Variants in GSE1 observed in about 807,000 individuals in gnomAD.
GSE1 encodes the protein Gse1 coiled-coil protein.
A neutral mutation model predicts 112.6 loss-of-function variants in GSE1; 32 were observed. That is an observed-to-expected ratio of 0.28 (90% confidence interval 0.21 to 0.38). The LOEUF is 0.38. GSE1 is among the 10% of genes least tolerant of loss of function. The probability of loss-of-function intolerance (pLI) is 1.00; values close to 1 mark genes in which losing one functional copy is unlikely to be tolerated. For synonymous variants in GSE1, 1,115 were observed against 735.6 expected (o/e 1.52, Z -8.35); for missense variants, 2,348 against 1,699.2 (o/e 1.38, Z -6.71).
chr16:85,464,729 C>T (rs1452584041), intron 2 of GSE1, among the ~76,000 whole-genome samples: 2 of 152,254 alleles, frequency 1.3e-5, no homozygotes, highest in African/African-American at 4.8e-5. Flanking sequence ...CTCCCCTGTC[C>T]AGGTGCAGAG....
chr16:85,651,930 C>T (rs1462449246), intron 3 of GSE1, among the ~76,000 whole-genome samples: 1 of 152,236 alleles, frequency 6.6e-6, no homozygotes, highest in East Asian at 1.9e-4. Flanking sequence ...CATCCCAGAC[C>T]CTAGGAACAG....
intron 1 of GSE1, among the ~76,000 whole-genome samples, chr16:85,312,207 G>GA (rs1555559865): frequency 1.3e-5 from 2 of 150,314 alleles, no homozygotes; most frequent in Admixed American, 6.6e-5. Flanking sequence ...CCTCTTGCGG[G>GA]GGGGGGGGGG....
At position 85,655,747 on chromosome 16, in the gene GSE1, G is replaced by T. The variant is rs368486595; in HGVS notation, c.819G>T (p.Leu273=). Residue 273 remains leucine (L), a synonymous_variant, in exon 6 of 16, where the codon CTG becomes CTT. Transcript: ENST00000253458. ...PAFRMDDSYC[L]SALRSPFYPI... is the part of the protein sequence containing the mutation. ...ACAGGATGGACGACTCCTACTGCCTGTCTGCCCTGAGGTCCCCGTTCTACC... is the reference window on the plus strand; with the variant it reads ...ACAGGATGGACGACTCCTACTGCCTTTCTGCCCTGAGGTCCCCGTTCTACC... The T allele has an allele frequency of 6.2e-7, 1 of 1,606,576 alleles. No homozygotes were observed. Among genetic ancestry groups the T allele is most frequent in the African/African-American group, 1.3e-5 (1 of 74,744 alleles).
rs564272210 is a variant in GSE1 at position 85,627,044 on chromosome 16, C to CTTTTTTTTTTTT, written c.8-6849_8-6838dup. ...GGACTTTGCTTCCTTTTCTTCTTGC[C>CTTTTTTTTTTTT]TTTTTTTTTTTTTTTTTTTTTTTTT... is the stretch of plus-strand genomic sequence containing the variant. On this transcript the variant is annotated intron_variant, in intron 1 of 15. Coordinates refer to ENST00000253458, the MANE Select transcript of GSE1 (RefSeq NM_014615.5). 9.5e-3 allele frequency among the ~76,000 whole-genome samples: 239 copies of CTTTTTTTTTTTT among 25,072 alleles called. 36 individuals are homozygous for CTTTTTTTTTTTT. The highest frequency in any genetic ancestry group is 0.014 in the African/African-American group (87 of 6,382). The allele number at this position is 25,072 out of a possible 152,430, so 16.4% of individuals were successfully genotyped here.
At chr16:85,237,391 G>C (rs370323910) in intron 1 of GSE1, among the ~76,000 whole-genome samples, 13 of 152,292 alleles carry the variant, frequency 8.5e-5, no homozygotes, top group African/African-American at 3.1e-4. Flanking sequence ...TGGTAGAGGA[G>C]GTGTGAGCTG....
intron 2 of GSE1, among the ~76,000 whole-genome samples, chr16:85,377,084 A>T (rs7191431): frequency 0.045 from 6,914 of 152,168 alleles, 507 homozygotes; most frequent in African/African-American, 0.16. Flanking sequence ...TTTTTATTGT[A>T]AGCCTGGAAT....
At chr16:85,205,365 C>G (rs952992924) in intron 1 of GSE1, among the ~76,000 whole-genome samples, 14 of 152,168 alleles carry the variant, frequency 9.2e-5, no homozygotes, top group African/African-American at 2.4e-4. Flanking sequence ...CTCCTGGCTT[C>G]CAGTGATCCG....
At position 85,656,574 on chromosome 16, in the gene GSE1, C is replaced by T; in HGVS notation, c.1221C>T (p.Ser407=). 2 of 1,547,708 alleles carry T rather than the reference C, an allele frequency of 1.3e-6. No homozygotes were observed. Among genetic ancestry groups the T allele is most frequent in the South Asian group, 1.2e-5 (1 of 83,932 alleles). The change falls in exon 7 of 16, where the codon AGC becomes AGT. Residue 407 remains serine, a synonymous_variant. Transcript: ENST00000253458. ...ELLAAKALEP[S]FLPVAELHGL... ...TGGCCGCCAAGGCCCTGGAGCCCAG[C>T]TTCCTGCCCGTGGCCGAGCTGCATG...
intron 2 of GSE1, among the ~76,000 whole-genome samples, chr16:85,365,918 T>A (rs1454726989): frequency 6.6e-6 from 1 of 152,194 alleles, no homozygotes; most frequent in Non-Finnish European, 1.5e-5. Context: ...AGTTTCCCCA[T>A]GTGTCAAACG....
At chr16:85,619,033 G>T (rs1484630577) in intron 1 of GSE1, among the ~76,000 whole-genome samples, 2 of 152,230 alleles carry the variant, frequency 1.3e-5, no homozygotes, top group African/African-American at 4.8e-5. Context: ...GGTGTTGGGG[G>T]TGGCCCCTTT....
At chr16:85,508,326 G>A (rs554366829) in intron 2 of GSE1, among the ~76,000 whole-genome samples, 20 of 152,266 alleles carry the variant, frequency 1.3e-4, no homozygotes, top group South Asian at 4.1e-4. Flanking sequence ...GAGCCACCAC[G>A]CCCGGCCTCC....
chr16:85,237,215 C>G (rs747461683), intron 1 of GSE1, among the ~76,000 whole-genome samples: 1 of 151,858 alleles, frequency 6.6e-6, no homozygotes, highest in African/African-American at 2.4e-5. Context: ...CCCAGCTACT[C>G]GGGAGGCTGA....
chr16:85,489,014 T>A (rs1437835278), intron 2 of GSE1, among the ~76,000 whole-genome samples: 1 of 152,062 alleles, frequency 6.6e-6, no homozygotes, highest in South Asian at 2.1e-4. Context: ...TGGTACAAAT[T>A]ACACCAGGAG....
At chr16:85,371,015 T>C (rs901217124) in intron 2 of GSE1, among the ~76,000 whole-genome samples, 64 of 152,198 alleles carry the variant, frequency 4.2e-4, no homozygotes, top group Non-Finnish European at 6.3e-4. Context: ...TGTGGCCTGC[T>C]CCACACCCTC....
chr16:85,250,137 T>A (rs1202690939), intron 1 of GSE1, among the ~76,000 whole-genome samples: 1 of 152,210 alleles, frequency 6.6e-6, no homozygotes, highest in Admixed American at 6.5e-5. Flanking sequence ...GTCCACCAAC[T>A]TGAGGCCAGG....
chr16:85,209,080 G>C (rs1021236449), intron 1 of GSE1, among the ~76,000 whole-genome samples: 1 of 150,960 alleles, frequency 6.6e-6, no homozygotes, highest in Non-Finnish European at 1.5e-5. Flanking sequence ...GGGGTTCGCT[G>C]TGTGTTGGGG....
intron 1 of GSE1, among the ~76,000 whole-genome samples, chr16:85,302,111 C>T (rs774882439): frequency 2.0e-5 from 3 of 152,182 alleles, no homozygotes; most frequent in African/African-American, 4.8e-5. Context: ...AAATCATCCA[C>T]GTCCAATTTC....
intron 2 of GSE1, among the ~76,000 whole-genome samples, chr16:85,511,984 C>T (rs2051762046): frequency 6.6e-6 from 1 of 152,194 alleles, no homozygotes; most frequent in Non-Finnish European, 1.5e-5. Flanking sequence ...CCCAGCCTCT[C>T]CCACTGCTCT....
rs923311282 is a variant in GSE1, at chr16:85,253,122, C to T, written c.2283+81315C>T. 7.4e-5 allele frequency among the ~76,000 whole-genome samples: 10 copies of T among 134,616 alleles called. No homozygotes were observed. In the South Asian group the frequency reaches 7.9e-4, roughly 11 times the overall value. The allele number at this position is 134,616 out of a possible 152,430, so 88.3% of individuals were successfully genotyped here. A position where few individuals can be genotyped will look rare whatever the true frequency, so the allele number is the denominator to read the frequency against. On this transcript the variant is annotated intron_variant, in intron 1 of 2. Transcript: ENST00000637419. ...TGCAGGCCCGCTGAAGATGCTGTGA[C>T]GGGGAGAGCATATGGCGGGCATATG...
Sources: gnomAD v4.1 joint callset for allele counts (sites outside exome capture counted in the v4.1 genomes callset) on GRCh38, gnomAD v4.1.1 for gene constraint, MANE v1.5 for transcripts, NCBI Gene and HGNC (gene_info 2026-07-23, HGNC 2026-07-21) for gene names.